The following GRM7 variants were observed in gnomAD, a reference collection of about 807,000 sequenced individuals.
The protein encoded by GRM7 is metabotropic glutamate receptor 7.
Under a neutral mutation model 84.5 loss-of-function variants are expected in GRM7, and 35 were observed. The ratio of observed to expected loss-of-function variants is 0.41; its 90% CI spans 0.32 to 0.55. The LOEUF is 0.55. Among genes scored for constraint, GRM7 ranks in the 20% least tolerant of loss-of-function variants. The probability of loss-of-function intolerance (pLI) is 0.19; values close to 1 mark genes in which losing one functional copy is unlikely to be tolerated. For missense variants in GRM7, 1,003 were observed against 1,194.6 expected (o/e 0.84, Z 2.36); for synonymous variants, 487 against 455.1 (o/e 1.07, Z -0.89).
rs571723584 is a variant in GRM7, at chr3:7,198,370, T to C, written c.736+51702T>C. The stretch of plus-strand genomic sequence containing the variant: ...AGTGATAGAATTCAGTGTGATTACT[T>C]TTGGAGAGAATTAATGACTGGGAGG... On this transcript the variant is annotated intron_variant, in intron 2 of 9. Transcript: ENST00000357716. Among the ~76,000 whole-genome samples the C allele has an allele frequency of 5.9e-5, 9 of 152,206 alleles. No homozygotes were observed. In the East Asian group the frequency reaches 1.4e-3, roughly 23 times the overall value.
intron 2 of GRM7, among the ~76,000 whole-genome samples, chr3:7,209,154 A>G (rs1379327125): frequency 6.6e-6 from 1 of 152,334 alleles, no homozygotes; most frequent in East Asian, 1.9e-4. Context: ...AAGATCTCAT[A>G]TAATTTATTG....
At chr3:7,284,868 T>C (rs1433975885) in intron 2 of GRM7, among the ~76,000 whole-genome samples, 1 of 152,160 alleles carries the variant, frequency 6.6e-6, no homozygotes, top group Non-Finnish European at 1.5e-5. Context: ...TTTGGAGTTC[T>C]CTGAGTTCAC....
At chr3:7,439,839 A>G (rs1003988087) in intron 5 of GRM7, among the ~76,000 whole-genome samples, 4 of 151,642 alleles carry the variant, frequency 2.6e-5, no homozygotes, top group East Asian at 1.9e-4. Flanking sequence ...GGAGTAGTCA[A>G]TGTGGATTTG....
chr3:7,130,160 A>C (rs113265365), intron 1 of GRM7, among the ~76,000 whole-genome samples: 37 of 152,190 alleles, frequency 2.4e-4, no homozygotes, highest in Non-Finnish European at 4.4e-4. Flanking sequence ...GTCCTGACTA[A>C]AACGTCCCTT....
At chr3:6,910,600 G>T (rs1307617120) in intron 1 of GRM7, among the ~76,000 whole-genome samples, 1 of 152,014 alleles carries the variant, frequency 6.6e-6, no homozygotes, top group Non-Finnish European at 1.5e-5. Flanking sequence ...CTTTAGTTGG[G>T]CTCAGTGTTC....
intron 4 of GRM7, among the ~76,000 whole-genome samples, chr3:7,325,977 T>G (rs943671787): frequency 5.3e-5 from 8 of 152,066 alleles, no homozygotes; most frequent in African/African-American, 1.7e-4. Flanking sequence ...GAGTAACTAC[T>G]TAAGGAAGCA....
In GRM7 at chr3:7,461,656, G is replaced by A. The variant is rs1220600085; in HGVS notation, c.1449G>A (p.Gln483=). 4.3e-6 allele frequency: 7 copies of A among 1,613,580 alleles called. No homozygotes were observed. The East Asian group carries it at 1.3e-4, about 31-fold the overall frequency. The part of the protein sequence containing the change: ...APGRYDIFQY[Q]TTNTSNPGYR... ...GGCGTTATGACATCTTTCAGTACCA[G>A]ACCACAAACACCAGCAACCCGGGTT... Residue 483 remains glutamine, a synonymous_variant, in exon 7 of 10, where the codon CAG becomes CAA. Coordinates refer to ENST00000357716, the MANE Select transcript of GRM7 (RefSeq NM_000844.4).
intron 2 of GRM7, among the ~76,000 whole-genome samples, chr3:7,217,557 A>C (rs894580522): frequency 1.3e-5 from 2 of 152,108 alleles, no homozygotes; most frequent in East Asian, 3.9e-4. Context: ...TAATTACCTA[A>C]AATTCTTTTT....
At position 7,230,015 on chromosome 3, in the gene GRM7, G is replaced by A. The variant is rs559679514; in HGVS notation, c.737-68669G>A. 3.5e-3 allele frequency among the ~76,000 whole-genome samples: 518 copies of A among 150,072 alleles called. 3 individuals carry two copies. The highest frequency in any genetic ancestry group is 0.012 in the African/African-American group (486 of 40,916). On this transcript the variant is annotated intron_variant, in intron 2 of 9. Coordinates refer to ENST00000357716, the MANE Select transcript of GRM7 (RefSeq NM_000844.4). Reference sequence around the variant, plus strand: ...CCACCACGCCTGGCTAATTTTTTGCGTTTTTAGTAGAGACGGGGTTTCACC... The same window carrying A: ...CCACCACGCCTGGCTAATTTTTTGCATTTTTAGTAGAGACGGGGTTTCACC...
At chr3:7,338,547 C>G (rs191769400) in intron 4 of GRM7, among the ~76,000 whole-genome samples, 1 of 152,088 alleles carries the variant, frequency 6.6e-6, no homozygotes, top group East Asian at 1.9e-4. Flanking sequence ...AGACATGTTC[C>G]TCTTACATGA....
intron 5 of GRM7, among the ~76,000 whole-genome samples, chr3:7,440,680 G>C (rs1350192768): frequency 2.0e-5 from 3 of 152,040 alleles, no homozygotes; most frequent in Non-Finnish European, 4.4e-5. Context: ...AGCCTCTATT[G>C]TCCCCTTCTT....
chr3:7,009,473 T>A (rs1043818738), intron 1 of GRM7, among the ~76,000 whole-genome samples: 1 of 152,234 alleles, frequency 6.6e-6, no homozygotes, highest in African/African-American at 2.4e-5. Context: ...TAGTTTTCTA[T>A]CCATTTTCTT....
At chr3:7,312,936 C>CTTTTTTTTT (rs372557190) in intron 4 of GRM7, among the ~76,000 whole-genome samples, 13 of 127,292 alleles carry the variant, frequency 1.0e-4, no homozygotes, top group South Asian at 2.5e-4. Context: ...TTCTTTTTTT[C>CTTTTTTTTT]TTTTTTTTTT....
chr3:7,435,637 C>T (rs912759520), intron 5 of GRM7, among the ~76,000 whole-genome samples: 6 of 150,192 alleles, frequency 4.0e-5, no homozygotes, highest in East Asian at 2.0e-4. Flanking sequence ...CTCAGCCTAC[C>T]GAGTAGCTAG....
intron 1 of GRM7, among the ~76,000 whole-genome samples, chr3:6,932,915 C>T (rs975721730): frequency 6.6e-6 from 1 of 151,702 alleles, no homozygotes. Context: ...CCACCATGCC[C>T]GGCTAATTTT....
intron 7 of GRM7, among the ~76,000 whole-genome samples, chr3:7,490,799 G>A (rs1166454070): frequency 6.6e-6 from 1 of 152,070 alleles, no homozygotes; most frequent in Non-Finnish European, 1.5e-5. Context: ...CCTGGTAGCT[G>A]TGTAAAGTAT....
chr3:7,638,658 A>G (rs1373530173), intron 8 of GRM7, among the ~76,000 whole-genome samples: 1 of 152,246 alleles, frequency 6.6e-6, no homozygotes, highest in Non-Finnish European at 1.5e-5. Context: ...GGCTGTTGCC[A>G]TAATCCAAAT....
chr3:7,029,912 A>G (rs914790277), intron 1 of GRM7, among the ~76,000 whole-genome samples: 3 of 152,204 alleles, frequency 2.0e-5, no homozygotes, highest in African/African-American at 7.2e-5. Flanking sequence ...TTTATGTATA[A>G]TATCTAAGCA....
chr3:7,081,726 G>A (rs1054707223), intron 1 of GRM7, among the ~76,000 whole-genome samples: 11 of 152,076 alleles, frequency 7.2e-5, no homozygotes, highest in Non-Finnish European at 1.3e-4. Context: ...AGTTATTGAA[G>A]GAAATTATAA....
Sources: gnomAD v4.1 joint callset for allele counts (sites outside exome capture counted in the v4.1 genomes callset) on GRCh38, gnomAD v4.1.1 for gene constraint, MANE v1.5 for transcripts, NCBI Gene and HGNC (gene_info 2026-07-23, HGNC 2026-07-21) for gene names.